ARHGAP24: variants seen among roughly 807,000 people sequenced by gnomAD.
ARHGAP24 encodes the protein rho GTPase-activating protein 24.
ARHGAP24 carries 50 observed loss-of-function variants against 76.4 expected under a neutral mutation model. That is an observed-to-expected ratio of 0.65 (90% CI 0.52 to 0.83). The LOEUF is 0.83. Ranked by LOEUF, ARHGAP24 falls within the 40% of genes least tolerant of loss-of-function variation. The pLI is 0.00. For missense variants in ARHGAP24, 930 were observed against 914.2 expected, an observed-to-expected ratio of 1.02 and a Z score of -0.22; for synonymous variants, 345 against 323.3, an observed-to-expected ratio of 1.07 and a Z score of -0.72.
intron 1 of ARHGAP24, among the ~76,000 whole-genome samples, chr4:85,508,756 A>C (rs1197937659): frequency 6.6e-6 from 1 of 152,178 alleles, no homozygotes; most frequent in Non-Finnish European, 1.5e-5. Context: ...CCACGGATCT[A>C]CATTGGTGTC....
intron 2 of ARHGAP24, among the ~76,000 whole-genome samples, chr4:85,626,013 A>G (rs1720940637): frequency 6.6e-6 from 1 of 151,884 alleles, no homozygotes; most frequent in South Asian, 2.1e-4. Flanking sequence ...ATGGGTCTTG[A>G]CTCTTTATCC....
At chr4:85,628,489 T>C (rs1721049131) in intron 2 of ARHGAP24, among the ~76,000 whole-genome samples, 3 of 152,194 alleles carry the variant, frequency 2.0e-5, no homozygotes, top group African/African-American at 7.2e-5. Flanking sequence ...TTGGATGGGA[T>C]ATTCTGTATC....
At chr4:85,907,222 G>A (rs529308121) in intron 3 of ARHGAP24, among the ~76,000 whole-genome samples, 2 of 152,190 alleles carry the variant, frequency 1.3e-5, no homozygotes, top group South Asian at 2.1e-4. Context: ...TCCAAGAAAA[G>A]GGAAAACCCT....
intron 2 of ARHGAP24, among the ~76,000 whole-genome samples, chr4:85,634,919 C>T (rs1468311581): frequency 1.3e-5 from 2 of 151,752 alleles, no homozygotes; most frequent in Non-Finnish European, 2.9e-5. Flanking sequence ...CATACCCACA[C>T]CTTATTCATC....
chr4:85,731,129 A>G (rs1329669118), intron 3 of ARHGAP24, among the ~76,000 whole-genome samples: 1 of 151,384 alleles, frequency 6.6e-6, no homozygotes, highest in East Asian at 1.9e-4. Flanking sequence ...ATAAGTGGTA[A>G]AGCCAGGATT....
chr4:85,906,281 A>T (rs948978092), intron 3 of ARHGAP24, among the ~76,000 whole-genome samples: 19 of 152,150 alleles, frequency 1.2e-4, no homozygotes, highest in Admixed American at 9.8e-4. Flanking sequence ...TAGTCAAATA[A>T]ATGAGGACAC....
intron 2 of ARHGAP24, among the ~76,000 whole-genome samples, chr4:85,624,166 G>A (rs543173307): frequency 1.8e-4 from 27 of 152,224 alleles, no homozygotes; most frequent in Non-Finnish European, 2.9e-4. Flanking sequence ...TCTTGTGCCC[G>A]TTTTCAAAGG....
At chr4:85,845,623 T>C (rs1368468846) in intron 3 of ARHGAP24, among the ~76,000 whole-genome samples, 1 of 152,204 alleles carries the variant, frequency 6.6e-6, no homozygotes, top group Non-Finnish European at 1.5e-5. Flanking sequence ...ACTTAAGACA[T>C]AGCAGTGCCC....
intron 5 of ARHGAP24, among the ~76,000 whole-genome samples, chr4:85,942,685 A>C (rs1259115627): frequency 6.6e-6 from 1 of 152,176 alleles, no homozygotes; most frequent in African/African-American, 2.4e-5. Context: ...CAATAATAAC[A>C]AAAGCATTAT....
chr4:85,874,050 C>T (rs1732684125), intron 3 of ARHGAP24, among the ~76,000 whole-genome samples: 1 of 152,050 alleles, frequency 6.6e-6, no homozygotes, highest in African/African-American at 2.4e-5. Context: ...TACAAAGTGG[C>T]CTAATAAAAA....
At chr4:85,878,327 G>A (rs1733049253) in intron 3 of ARHGAP24, among the ~76,000 whole-genome samples, 1 of 152,116 alleles carries the variant, frequency 6.6e-6, no homozygotes, top group South Asian at 2.1e-4. Context: ...CCATAATGAA[G>A]ATTCCAGCAA....
At chr4:85,785,371 A>G (rs906257120) in intron 3 of ARHGAP24, among the ~76,000 whole-genome samples, 1 of 152,208 alleles carries the variant, frequency 6.6e-6, no homozygotes, top group Non-Finnish European at 1.5e-5. Context: ...TTAAATTCAG[A>G]TAATACCAAT....
intron 2 of ARHGAP24, among the ~76,000 whole-genome samples, chr4:85,642,189 T>C (rs1721550006): frequency 1.3e-5 from 2 of 152,034 alleles, no homozygotes; most frequent in Admixed American, 1.3e-4. Flanking sequence ...AAAGAGCAGG[T>C]TAAAGGTGGA....
chr4:85,601,781 A>G (rs1343477096), intron 2 of ARHGAP24, among the ~76,000 whole-genome samples: 1 of 152,132 alleles, frequency 6.6e-6, no homozygotes, highest in Admixed American at 6.5e-5. Flanking sequence ...GGTAAACATA[A>G]AAGGAAATAA....
chr4:85,872,595 C>CTT (rs5860005), intron 3 of ARHGAP24, among the ~76,000 whole-genome samples: 21,656 of 73,082 alleles, frequency 0.3, 4,569 homozygotes, highest in East Asian at 0.56. Context: ...TGCATCTGGC[C>CTT]TTTTTTTTTT....
At chr4:85,489,296 A>T (rs1038808154) in intron 1 of ARHGAP24, among the ~76,000 whole-genome samples, 1 of 152,216 alleles carries the variant, frequency 6.6e-6, no homozygotes, top group Non-Finnish European at 1.5e-5. Flanking sequence ...AGGAGAGAAA[A>T]AGAGGATTCA....
chr4:85,491,936 G>A (rs1723371868), intron 1 of ARHGAP24, among the ~76,000 whole-genome samples: 1 of 152,140 alleles, frequency 6.6e-6, no homozygotes, highest in African/African-American at 2.4e-5. Flanking sequence ...CAAAGTGATA[G>A]GCCCCTTCCT....
At chr4:85,732,454 A>G (rs1295759991) in intron 3 of ARHGAP24, among the ~76,000 whole-genome samples, 1 of 152,180 alleles carries the variant, frequency 6.6e-6, no homozygotes, top group Non-Finnish European at 1.5e-5. Flanking sequence ...CAGGGAACCA[A>G]GGAAGGCTTT....
chr4:85,633,192 G>A (rs1721212963), intron 2 of ARHGAP24, among the ~76,000 whole-genome samples: 1 of 151,704 alleles, frequency 6.6e-6, no homozygotes. Flanking sequence ...TCACTAGCTG[G>A]CATTTTTTTG....
Sources: gnomAD v4.1 joint callset for allele counts (sites outside exome capture counted in the v4.1 genomes callset) on GRCh38, gnomAD v4.1.1 for gene constraint, MANE v1.5 for transcripts, NCBI Gene and HGNC (gene_info 2026-07-23, HGNC 2026-07-21) for gene names.